CNTNAP2: variants seen among roughly 807,000 people sequenced by gnomAD.
The protein encoded by CNTNAP2 is contactin-associated protein-like 2.
CNTNAP2 carries 98 observed loss-of-function variants against 155.2 expected under a neutral mutation model. The observed-to-expected ratio is 0.63, with a 90% confidence interval of 0.54 to 0.75. The LOEUF is 0.75. Ranked by LOEUF, CNTNAP2 falls within the 30% of genes least tolerant of loss-of-function variation. The pLI is 0.00. For synonymous variants in CNTNAP2, 651 were observed against 631.2 expected (o/e 1.03, Z -0.47); for missense variants, 1,727 against 1,688.1 (o/e 1.02, Z -0.40).
Position 147,102,065 on chromosome 7 carries a change from A to G in CNTNAP2, c.551-6082A>G, listed in dbSNP as rs568348991. ...TTGGTCATTTAACAATGTTAATACA[A>G]TAGGCAACATGTGAGGTAATGGTAG... is the stretch of plus-strand genomic sequence containing the variant. On this transcript the variant is annotated intron_variant, in intron 4 of 23. Transcript: ENST00000361727. 4.9e-4 allele frequency among the ~76,000 whole-genome samples: 75 copies of G among 152,300 alleles called. No homozygotes were observed. In the Middle Eastern group the frequency reaches 0.01, roughly 21 times the overall value.
intron 1 of CNTNAP2, among the ~76,000 whole-genome samples, chr7:146,678,046 C>T (rs1182907491): frequency 3.9e-5 from 6 of 151,992 alleles, no homozygotes; most frequent in South Asian, 4.2e-4. Context: ...AATTTATACA[C>T]ATATAAATGG....
In CNTNAP2 at chr7:147,348,019, C is replaced by A. The variant is rs772885315; in HGVS notation, c.1499-47590C>A. Among the ~76,000 whole-genome samples the A allele has an allele frequency of 1.4e-3, 218 of 152,018 alleles. 2 individuals are homozygous for A. The highest frequency in any genetic ancestry group is 1.6e-3 in the Non-Finnish European group (110 of 67,898). ...ACTAGACCCCCACCTCACACATAAT[C>A]AACTCTAAATGGATCAAAAACCTAA... On this transcript the variant is annotated intron_variant, in intron 9 of 23. Transcript: ENST00000361727.
intron 1 of CNTNAP2, among the ~76,000 whole-genome samples, chr7:146,416,604 A>G (rs192037067): frequency 6.6e-6 from 1 of 152,230 alleles, no homozygotes; most frequent in Admixed American, 6.5e-5. Context: ...GCAGCTTATT[A>G]TCTAAAGAAA....
In CNTNAP2 at chr7:147,483,223, T is replaced by A. The variant is rs558776176; in HGVS notation, c.1671-2712T>A. Among the ~76,000 whole-genome samples, 32 of 90,690 alleles carry A rather than the reference T, an allele frequency of 3.5e-4. 2 individuals are homozygous for A. The highest frequency in any genetic ancestry group is 1.4e-3 in the African/African-American group (29 of 20,670). 59.5% of individuals were successfully genotyped at this position (90,690 alleles called of 152,430 possible). On this transcript the variant is annotated intron_variant, in intron 10 of 23. Transcript: ENST00000361727. The stretch of plus-strand genomic sequence containing the variant: ...CCAACCAATGGCAAATAGAAAAAAA[T>A]TAAAAATAATACGATGATAAATCTA...
intron 9 of CNTNAP2, among the ~76,000 whole-genome samples, chr7:147,306,293 G>A (rs1352348123): frequency 6.6e-6 from 1 of 152,158 alleles, no homozygotes; most frequent in African/African-American, 2.4e-5. Flanking sequence ...GAAGTTAAAA[G>A]TCAAACACAT....
chr7:147,699,176 G>A (rs898380630), intron 13 of CNTNAP2, among the ~76,000 whole-genome samples: 5 of 150,770 alleles, frequency 3.3e-5, no homozygotes, highest in Middle Eastern at 3.4e-3. Context: ...TTATCTAGGT[G>A]ACTTAAGCAA....
chr7:147,521,810 T>C (rs1420514505), intron 11 of CNTNAP2, among the ~76,000 whole-genome samples: 1 of 152,144 alleles, frequency 6.6e-6, no homozygotes, highest in East Asian at 1.9e-4. Flanking sequence ...CTTTCTTGAA[T>C]ATGCTTATCT....
intron 1 of CNTNAP2, among the ~76,000 whole-genome samples, chr7:146,564,522 C>A (rs1243772800): frequency 6.7e-6 from 1 of 148,168 alleles, no homozygotes; most frequent in East Asian, 2.0e-4. Context: ...TATTATATAA[C>A]AAATATACAT....
At chr7:146,928,225 T>C (rs1454514735) in intron 3 of CNTNAP2, among the ~76,000 whole-genome samples, 2 of 152,102 alleles carry the variant, frequency 1.3e-5, no homozygotes, top group Non-Finnish European at 2.9e-5. Flanking sequence ...TTCAACTGTA[T>C]TGTTTTACCA....
intron 4 of CNTNAP2, among the ~76,000 whole-genome samples, chr7:147,095,387 T>G (rs1800509330): frequency 6.6e-6 from 1 of 151,938 alleles, no homozygotes; most frequent in African/African-American, 2.4e-5. Context: ...GACTTCACCA[T>G]CATAACCTAA....
chr7:146,151,613 G>A (rs1417470949), intron 1 of CNTNAP2, among the ~76,000 whole-genome samples: 1 of 125,400 alleles, frequency 8.0e-6, no homozygotes, highest in Non-Finnish European at 1.6e-5. Context: ...GTCCATCACT[G>A]ATGAATGGAC....
At chr7:148,247,662 T>G (rs1016838504) in intron 20 of CNTNAP2, among the ~76,000 whole-genome samples, 5 of 140,096 alleles carry the variant, frequency 3.6e-5, no homozygotes, top group Non-Finnish European at 4.9e-5. Context: ...TTTATTTATT[T>G]ATTTTTTTGG....
At chr7:147,784,260 T>C (rs913891018) in intron 13 of CNTNAP2, among the ~76,000 whole-genome samples, 7 of 151,348 alleles carry the variant, frequency 4.6e-5, no homozygotes, top group African/African-American at 1.5e-4. Context: ...AACTTCAACG[T>C]AAAAATTTTT....
intron 12 of CNTNAP2, among the ~76,000 whole-genome samples, chr7:147,603,017 G>T (rs1490110857): frequency 6.6e-6 from 1 of 151,986 alleles, no homozygotes; most frequent in African/African-American, 2.4e-5. Flanking sequence ...GGGATGGCAG[G>T]GTCAAATGGT....
intron 17 of CNTNAP2, among the ~76,000 whole-genome samples, chr7:148,148,915 C>A (rs1023875830): frequency 1.3e-5 from 2 of 152,168 alleles, no homozygotes; most frequent in Admixed American, 1.3e-4. Context: ...GAAATCAGCC[C>A]TTTCCAAATC....
chr7:147,261,090 C>T (rs1434818377), intron 8 of CNTNAP2, among the ~76,000 whole-genome samples: 13 of 152,122 alleles, frequency 8.5e-5, no homozygotes, highest in Admixed American at 6.5e-4. Context: ...ACATGTTATT[C>T]GGGGTTCATC....
chr7:146,934,455 G>C (rs71525976), intron 3 of CNTNAP2, among the ~76,000 whole-genome samples: 1 of 126,784 alleles, frequency 7.9e-6, no homozygotes, highest in South Asian at 3.3e-4. Flanking sequence ...GTGGGGGGAG[G>C]GGGAAGGGGG....
chr7:148,050,984 A>G (rs1230904205), intron 15 of CNTNAP2, among the ~76,000 whole-genome samples: 1 of 152,218 alleles, frequency 6.6e-6, no homozygotes, highest in Non-Finnish European at 1.5e-5. Context: ...TTGCATGACA[A>G]CAAAATTGCC....
intron 2 of CNTNAP2, among the ~76,000 whole-genome samples, chr7:146,809,065 T>C (rs189716887): frequency 6.6e-6 from 1 of 152,190 alleles, no homozygotes; most frequent in Admixed American, 6.5e-5. Context: ...TGATTTCAGT[T>C]TTTTTAGATT....
Sources: gnomAD v4.1 joint callset for allele counts (sites outside exome capture counted in the v4.1 genomes callset) on GRCh38, gnomAD v4.1.1 for gene constraint, MANE v1.5 for transcripts, NCBI Gene and HGNC (gene_info 2026-07-23, HGNC 2026-07-21) for gene names.